NXPH1: variants seen among roughly 807,000 people sequenced by gnomAD.
NXPH1 encodes the protein neurexophilin 1.
Under a neutral mutation model 23.7 loss-of-function variants are expected in NXPH1, and 5 were observed. That is an observed-to-expected ratio of 0.21 (90% CI 0.11 to 0.44). The LOEUF is 0.44. NXPH1 is among the 20% of genes least tolerant of loss of function. NXPH1 has a pLI of 0.99. For missense variants in NXPH1, 324 were observed against 321.6 expected, an observed-to-expected ratio of 1.01 and a Z score of -0.06; for synonymous variants, 144 against 122.2, an observed-to-expected ratio of 1.18 and a Z score of -1.18.
At position 8,614,742 on chromosome 7, in the gene NXPH1, T is replaced by C. The variant is rs1463657551; in HGVS notation, c.55-136266T>C. Among the ~76,000 whole-genome samples the C allele has an allele frequency of 2.6e-5, 4 of 152,064 alleles. No homozygotes were observed. The East Asian group carries it at 7.7e-4, about 29-fold the overall frequency. On this transcript the variant is annotated intron_variant, in intron 2 of 2. Coordinates refer to ENST00000405863, the MANE Select transcript of NXPH1 (RefSeq NM_152745.3). Reference sequence around the variant, plus strand: ...ATTTTAGAAACTCTATGTTTGATTATGCAGCTGTGATGAAAGAATATCAAA... The same window carrying C: ...ATTTTAGAAACTCTATGTTTGATTACGCAGCTGTGATGAAAGAATATCAAA...
chr7:8,577,042 T>A (rs558296865), intron 2 of NXPH1, among the ~76,000 whole-genome samples: 1 of 152,276 alleles, frequency 6.6e-6, no homozygotes, highest in South Asian at 2.1e-4. Context: ...AACTTTGAAA[T>A]AATGTTATTA....
intron 2 of NXPH1, among the ~76,000 whole-genome samples, chr7:8,709,864 G>T (rs2115195554): frequency 6.6e-6 from 1 of 152,194 alleles, no homozygotes; most frequent in South Asian, 2.1e-4. Flanking sequence ...CTAATGTTAG[G>T]CTATATATCT....
intron 2 of NXPH1, among the ~76,000 whole-genome samples, chr7:8,484,118 T>C (rs1301474918): frequency 6.6e-6 from 1 of 152,112 alleles, no homozygotes; most frequent in Non-Finnish European, 1.5e-5. Flanking sequence ...GAAATCTATT[T>C]AGTGTCTTCC....
intron 2 of NXPH1, among the ~76,000 whole-genome samples, chr7:8,627,118 G>C (rs1363617929): frequency 6.6e-6 from 1 of 152,042 alleles, no homozygotes; most frequent in Non-Finnish European, 1.5e-5. Context: ...ACAGTAAATG[G>C]CTAATATACA....
chr7:8,572,736 A>T (rs989395178), intron 2 of NXPH1, among the ~76,000 whole-genome samples: 1 of 152,000 alleles, frequency 6.6e-6, no homozygotes, highest in African/African-American at 2.4e-5. Flanking sequence ...AAATTTTAAG[A>T]CTTGGGTATA....
intron 2 of NXPH1, among the ~76,000 whole-genome samples, chr7:8,747,260 A>T (rs186845243): frequency 6.6e-6 from 1 of 152,242 alleles, no homozygotes; most frequent in Non-Finnish European, 1.5e-5. Context: ...TCCCATAATT[A>T]CTACAGCTGT....
chr7:8,526,136 A>G (rs1817858009), intron 2 of NXPH1, among the ~76,000 whole-genome samples: 1 of 152,210 alleles, frequency 6.6e-6, no homozygotes, highest in African/African-American at 2.4e-5. Context: ...ATGGGAACCC[A>G]CTTCTTGCAT....
At chr7:8,483,109 A>G (rs2128610080) in intron 2 of NXPH1, among the ~76,000 whole-genome samples, 1 of 152,256 alleles carries the variant, frequency 6.6e-6, no homozygotes. Flanking sequence ...TCCTAGACTT[A>G]CAGTAACAGT....
chr7:8,447,236 C>A (rs1584160177), intron 2 of NXPH1, among the ~76,000 whole-genome samples: 1 of 152,180 alleles, frequency 6.6e-6, no homozygotes, highest in African/African-American at 2.4e-5. Context: ...AGATACAAAA[C>A]AACTTTACTC....
chr7:8,543,634 T>G (rs999396932), intron 2 of NXPH1, among the ~76,000 whole-genome samples: 1 of 151,570 alleles, frequency 6.6e-6, no homozygotes, highest in Admixed American at 6.6e-5. Flanking sequence ...AAAACAAATT[T>G]CTTTAATGGA....
chr7:8,619,915 A>T (rs1227756993), intron 2 of NXPH1, among the ~76,000 whole-genome samples: 1 of 152,208 alleles, frequency 6.6e-6, no homozygotes, highest in African/African-American at 2.4e-5. Flanking sequence ...TACAACAAGT[A>T]TGTGGTAAAT....
intron 2 of NXPH1, among the ~76,000 whole-genome samples, chr7:8,542,554 A>G (rs1818135909): frequency 6.6e-6 from 1 of 151,668 alleles, no homozygotes; most frequent in Non-Finnish European, 1.5e-5. Flanking sequence ...GTGTTATCCA[A>G]TGTGGATCAT....
intron 2 of NXPH1, among the ~76,000 whole-genome samples, chr7:8,737,514 T>G (rs990118559): frequency 2.0e-5 from 3 of 152,238 alleles, no homozygotes; most frequent in Non-Finnish European, 4.4e-5. Context: ...CTTAGTCTGA[T>G]GGGCTTCCCT....
At chr7:8,576,727 G>C (rs746069443) in intron 2 of NXPH1, among the ~76,000 whole-genome samples, 1 of 151,932 alleles carries the variant, frequency 6.6e-6, no homozygotes, top group African/African-American at 2.4e-5. Flanking sequence ...AGGTGAGGGA[G>C]AGAGATGTGA....
intron 2 of NXPH1, among the ~76,000 whole-genome samples, chr7:8,742,224 A>G (rs148270879): frequency 4.0e-4 from 61 of 152,306 alleles, no homozygotes; most frequent in African/African-American, 1.4e-3. Flanking sequence ...ATTTTATCCT[A>G]TATGAACTTC....
chr7:8,673,572 A>G (rs540311295), intron 2 of NXPH1, among the ~76,000 whole-genome samples: 1 of 152,264 alleles, frequency 6.6e-6, no homozygotes, highest in Non-Finnish European at 1.5e-5. Flanking sequence ...TACTAGCTGT[A>G]TTATCTTGGG....
At chr7:8,477,338 T>G (rs1036350546) in intron 2 of NXPH1, among the ~76,000 whole-genome samples, 8 of 152,080 alleles carry the variant, frequency 5.3e-5, no homozygotes, top group African/African-American at 1.7e-4. Flanking sequence ...GAGCTGTATT[T>G]TTTTTTAAAT....
At chr7:8,498,626 T>A (rs1817379022) in intron 2 of NXPH1, among the ~76,000 whole-genome samples, 1 of 152,100 alleles carries the variant, frequency 6.6e-6, no homozygotes, top group South Asian at 2.1e-4. Context: ...GGAACATCTC[T>A]TTTTCAGTTC....
rs1816321770 is a variant in NXPH1 at position 8,442,610 on chromosome 7, G to A, written c.54+6843G>A. 6.6e-6 allele frequency among the ~76,000 whole-genome samples: 1 copy of A among 152,190 alleles called. No individual in the cohort carries two copies. The highest frequency in any genetic ancestry group is 2.1e-4 in the South Asian group (1 of 4,834). On this transcript the variant is annotated intron_variant, in intron 2 of 2. Transcript: ENST00000405863. This position sits in a 1 kb window ranked among gnomAD's most constrained non-coding sequence, Gnocchi z 4.6. ...AAGCAAGAAACTTTTTTCGACGTAGGCTTCATACCCTCCCTTCGGAAACTC... is the reference window on the plus strand; with the variant it reads ...AAGCAAGAAACTTTTTTCGACGTAGACTTCATACCCTCCCTTCGGAAACTC...
Sources: gnomAD v4.1 joint callset for allele counts (sites outside exome capture counted in the v4.1 genomes callset) on GRCh38, gnomAD v4.1.1 for gene constraint, Gnocchi (gnomAD v3.1) non-coding constraint, MANE v1.5 for transcripts, NCBI Gene and HGNC (gene_info 2026-07-23, HGNC 2026-07-21) for gene names.